The following ZC3H14 variants were observed in gnomAD, a reference collection of about 807,000 sequenced individuals.
ZC3H14 encodes zinc finger CCCH domain-containing protein 14.
ZC3H14 carries 31 observed loss-of-function variants against 92.4 expected under a neutral mutation model. The observed-to-expected ratio is 0.34, with a 90% CI of 0.25 to 0.45. The LOEUF (loss-of-function observed/expected upper bound fraction) is 0.45, where lower values mean the gene tolerates loss of function less well. Ranked by LOEUF, ZC3H14 falls within the 20% of genes least tolerant of loss-of-function variation. ZC3H14 has a pLI of 1.00. For synonymous variants in ZC3H14, 321 were observed against 300.9 expected (o/e 1.07, Z -0.69); for missense variants, 781 against 897.3 (o/e 0.87, Z 1.66).
rs1225655747 is a variant in ZC3H14, at chr14:88,572,037, T to G, written c.243T>G (p.Ser81=). 6.2e-7 allele frequency: 1 copy of G among 1,613,306 alleles called. No individual in the cohort carries two copies. The highest frequency in any genetic ancestry group is 8.5e-7 in the Non-Finnish European group (1 of 1,179,786). The part of the protein sequence containing the change: ...DKLRSVTTEP[S]SLKSSDTNIF... Reference sequence around the variant, plus strand: ...CTGTATTTTTCTTTTCAGAACCCTCTAGTCTGAAGTCTTCTGATACCAACA... The same window carrying G: ...CTGTATTTTTCTTTTCAGAACCCTCGAGTCTGAAGTCTTCTGATACCAACA... The change falls in exon 5 of 17, where the codon TCT becomes TCG. Residue 81 remains serine, a synonymous_variant. Coordinates refer to ENST00000251038, the MANE Select transcript of ZC3H14 (RefSeq NM_024824.5).
In ZC3H14 at chr14:88,616,091, C is replaced by T. The variant is rs886950025; in HGVS notation, c.*4340C>T. 12 of 1,578,750 alleles carry T rather than the reference C, an allele frequency of 7.6e-6. No individual in the cohort carries two copies. Among genetic ancestry groups the T allele is most frequent in the Admixed American group, 1.7e-5 (1 of 59,902 alleles). ...AGCTGTAGGAGTTGTTGTATTAAGT[C>T]TCTTAACTAGTAACATAGTCTGCTC... On this transcript the variant is annotated 3_prime_UTR_variant, in exon 17 of 17. Transcript: ENST00000251038.
intron 3 of ZC3H14, among the ~76,000 whole-genome samples, chr14:88,569,853 A>G (rs1451606619): frequency 6.6e-6 from 1 of 152,216 alleles, no homozygotes; most frequent in Non-Finnish European, 1.5e-5. Context: ...AGAACATTGT[A>G]TAGTGGTCAT....
At position 88,576,420 on chromosome 14, in the gene ZC3H14, A is replaced by G. The variant is rs567423587; in HGVS notation, c.1123+480A>G. On this transcript the variant is annotated intron_variant, in intron 8 of 16. Coordinates refer to ENST00000251038, the MANE Select transcript of ZC3H14 (RefSeq NM_024824.5). Reference sequence around the variant, plus strand: ...AGAATATAAGGCAGAGAATTGACTCATTTGTGATGTTCCTGCTCCAATTCT... The same window carrying G: ...AGAATATAAGGCAGAGAATTGACTCGTTTGTGATGTTCCTGCTCCAATTCT... Among the ~76,000 whole-genome samples, 18 of 152,378 alleles carry G rather than the reference A, an allele frequency of 1.2e-4. No homozygotes were observed. In the South Asian group the frequency reaches 2.7e-3, roughly 23 times the overall value.
chr14:88,614,597 C>T lies in ZC3H14; in HGVS notation c.*2846C>T, dbSNP rs1413448694. 1.3e-5 allele frequency: 2 copies of T among 152,130 alleles called. No individual in the cohort carries two copies. The highest frequency in any genetic ancestry group is 2.9e-5 in the Non-Finnish European group (2 of 68,028). The allele number at this position is 152,130 out of a possible 1,614,324, so 9.4% of individuals were successfully genotyped here. Reference sequence around the variant, plus strand: ...CATAGGGTCAATACAGCATCTTAAACCTCACACTTAGAAAAATATATTTTT... The same window carrying T: ...CATAGGGTCAATACAGCATCTTAAATCTCACACTTAGAAAAATATATTTTT... On this transcript the variant is annotated 3_prime_UTR_variant, in exon 17 of 17. Transcript: ENST00000251038.
chr14:88,563,052 C>T lies in ZC3H14; in HGVS notation c.-82C>T, dbSNP rs1025596855. ...GAACGGAGGAGGAGGCGGTGGTGTC[C>T]CGGCTGCGGGGTAGGAGTCCGCGGC... is the stretch of plus-strand genomic sequence containing the variant. On this transcript the variant is annotated 5_prime_UTR_variant, in exon 1 of 17. Transcript: ENST00000251038. 2.6e-6 allele frequency: 4 copies of T among 1,527,068 alleles called. No individual in the cohort carries two copies. Among genetic ancestry groups the T allele is most frequent in the African/African-American group, 2.8e-5 (2 of 72,030 alleles). The allele number at this position is 1,527,068 out of a possible 1,614,324, so 94.6% of individuals were successfully genotyped here. A position where few individuals can be genotyped will look rare whatever the true frequency, so the allele number is the denominator to read the frequency against.
At chr14:88,599,715 C>G (rs988773532) in intron 10 of ZC3H14, among the ~76,000 whole-genome samples, 20 of 152,216 alleles carry the variant, frequency 1.3e-4, no homozygotes, top group Admixed American at 3.3e-4. Flanking sequence ...TAGCTTTGCT[C>G]TCTCCCACCT....
intron 9 of ZC3H14, chr14:88,590,122 T>C (rs1464716963): frequency 6.6e-6 from 1 of 151,696 alleles, no homozygotes; most frequent in Non-Finnish European, 1.5e-5. Context: ...ACAGTGACAC[T>C]CTGTCTCCAA....
At chr14:88,584,621 G>A (rs1009454430) in intron 9 of ZC3H14, among the ~76,000 whole-genome samples, 2 of 152,158 alleles carry the variant, frequency 1.3e-5, no homozygotes, top group African/African-American at 4.8e-5. Context: ...GGTAAGCTAA[G>A]GTGTTTTGAG....
At chr14:88,600,118 A>G (rs1369529080) in intron 10 of ZC3H14, among the ~76,000 whole-genome samples, 3 of 152,254 alleles carry the variant, frequency 2.0e-5, no homozygotes, top group Non-Finnish European at 4.4e-5. Flanking sequence ...ATGGAAATGT[A>G]TCTTTGCCCC....
Position 88,572,793 on chromosome 14 carries a change from G to T in ZC3H14, c.647G>T (p.Arg216Leu). Residue 216 changes from arginine (R) to leucine (L), a missense_variant, in exon 6 of 17, where the codon CGA (arginine) becomes CTA (leucine). By Grantham distance (102) the Arg-to-Leu change is moderately radical (BLOSUM62 -2). Transcript: ENST00000251038. ...GSSRPSIEIY[R>L]PPASRNADSG... ...TCTCGCCCTTCTATTGAAATTTATC[G>T]ACCACCTGCAAGTAGAAATGCAGAT... The T allele has an allele frequency of 6.2e-7, 1 of 1,614,010 alleles. No individual in the cohort carries two copies. The highest frequency in any genetic ancestry group is 8.5e-7 in the Non-Finnish European group (1 of 1,180,020).
chr14:88,610,742 G>T, intron 15 of ZC3H14, 92 bp from the exon 16 acceptor site: 2 of 1,292,524 alleles, frequency 1.5e-6, no homozygotes, highest in South Asian at 1.2e-5. Flanking sequence ...CAGCCTGGGT[G>T]ACAGAGTGAG....
Position 88,620,718 on chromosome 14 carries a change from T to C in ZC3H14, c.*8967T>C, listed in dbSNP as rs2088739378. Reference sequence around the variant, plus strand: ...TTTTACAAATGGAAGTTAAATCAAGTATATACTAGAAACTCTATTCCATTT... The same window carrying C: ...TTTTACAAATGGAAGTTAAATCAAGCATATACTAGAAACTCTATTCCATTT... On this transcript the variant is annotated 3_prime_UTR_variant, in exon 17 of 17. Transcript: ENST00000251038. The surrounding 1 kb of genome is among the most constrained non-coding windows in gnomAD (Gnocchi z 4.3). 2 of 1,468,106 alleles carry C rather than the reference T, an allele frequency of 1.4e-6. No homozygotes were observed. Among genetic ancestry groups the C allele is most frequent in the East Asian group, 4.9e-5 (2 of 40,818 alleles). 90.9% of individuals were successfully genotyped at this position (1,468,106 alleles called of 1,614,324 possible).
intron 3 of ZC3H14, 62 bp downstream of exon 3, chr14:88,568,215 G>A: frequency 5.0e-6 from 7 of 1,397,128 alleles, no homozygotes; most frequent in South Asian, 1.2e-5. Flanking sequence ...TTGATATTCT[G>A]TCCAAAGAGA....
chr14:88,616,957 T>C lies in ZC3H14; in HGVS notation c.*5206T>C. 1 of 1,418,508 alleles carries C rather than the reference T, an allele frequency of 7.0e-7. No individual in the cohort carries two copies. The highest frequency in any genetic ancestry group is 9.8e-7 in the Non-Finnish European group (1 of 1,025,154). 87.9% of individuals were successfully genotyped at this position (1,418,508 alleles called of 1,614,324 possible). On this transcript the variant is annotated 3_prime_UTR_variant, in exon 17 of 17. Coordinates refer to ENST00000251038, the MANE Select transcript of ZC3H14 (RefSeq NM_024824.5). ...CTATATTCAAAAAGTTTCTTGGCAATTAATCTCTAAGTACCCTATCATGTT... is the reference window on the plus strand; with the variant it reads ...CTATATTCAAAAAGTTTCTTGGCAACTAATCTCTAAGTACCCTATCATGTT...
Position 88,614,780 on chromosome 14 carries a change from C to CT in ZC3H14, c.*3030dup, listed in dbSNP as rs2087326628. On this transcript the variant is annotated 3_prime_UTR_variant, in exon 17 of 17. Coordinates refer to ENST00000251038, the MANE Select transcript of ZC3H14 (RefSeq NM_024824.5). The stretch of plus-strand genomic sequence containing the variant: ...AATCCACTAAAAAAAGGAATTCTAA[C>CT]TGACAAGTTTTTACAAATGGAGTTG... 6.6e-6 allele frequency: 1 copy of CT among 152,108 alleles called. No homozygotes were observed. Among genetic ancestry groups the CT allele is most frequent in the Admixed American group, 6.6e-5 (1 of 15,266 alleles). 9.4% of individuals were successfully genotyped at this position (152,108 alleles called of 1,614,324 possible).
chr14:88,571,076 T>C lies in ZC3H14; in HGVS notation c.195-8T>C. 1.3e-6 allele frequency: 2 copies of C among 1,532,302 alleles called. No homozygotes were observed. Among genetic ancestry groups the C allele is most frequent in the Non-Finnish European group, 1.8e-6 (2 of 1,138,724 alleles). The allele number at this position is 1,532,302 out of a possible 1,614,324, so 94.9% of individuals were successfully genotyped here. On this transcript the variant is annotated splice_region_variant and splice_polypyrimidine_tract_variant and intron_variant, in intron 3 of 16. Transcript: ENST00000251038. ...AGGTTTATTTTTGTTTTTTGTTTTT[T>C]TCCTCAGGCTTCATGGTGTATTAGA...
chr14:88,563,784 A>G, intron 2 of ZC3H14, 91 bp downstream of exon 2: 1 of 1,255,618 alleles, frequency 8.0e-7, no homozygotes, highest in Non-Finnish European at 1.2e-6. Flanking sequence ...CGTACTTTGG[A>G]CATTGGGAGA....
chr14:88,599,347 T>C (rs1036638527), intron 10 of ZC3H14, among the ~76,000 whole-genome samples: 2 of 152,216 alleles, frequency 1.3e-5, no homozygotes, highest in Non-Finnish European at 2.9e-5. Flanking sequence ...ACTTATTTTC[T>C]TTGTGAGTTT....
rs1198457752 is a variant in ZC3H14, at chr14:88,620,401, T to A, written c.*8650T>A. ...TTACTAAGAGAAGATATGTTTGAAA[T>A]CACAACTTTAGTTTTCCAGGGTGAC... On this transcript the variant is annotated 3_prime_UTR_variant, in exon 17 of 17. Transcript: ENST00000251038. The surrounding 1 kb of genome is among the most constrained non-coding windows in gnomAD (Gnocchi z 4.3). 1 of 179,992 alleles carries A rather than the reference T, an allele frequency of 5.6e-6. No homozygotes were observed. Among genetic ancestry groups the A allele is most frequent in the Non-Finnish European group, 1.1e-5 (1 of 87,536 alleles). The allele number at this position is 179,992 out of a possible 1,614,324, so 11.1% of individuals were successfully genotyped here.
Sources: allele counts gnomAD v4.1 joint callset (sites outside exome capture counted in the v4.1 genomes callset), GRCh38; gene constraint gnomAD v4.1.1; non-coding constraint Gnocchi (gnomAD v3.1); transcripts MANE v1.5; gene names NCBI Gene and HGNC (gene_info 2026-07-23, HGNC 2026-07-21).